The following HCN2 variants were observed in gnomAD, a reference collection of about 807,000 sequenced individuals.
The protein encoded by HCN2 is potassium/sodium hyperpolarization-activated cyclic nucleotide-gated channel 2.
In HCN2, 20 loss-of-function variants were observed where a neutral mutation model predicts 52.3. That is an observed-to-expected ratio of 0.38 (90% CI 0.27 to 0.56). HCN2 has a LOEUF of 0.56. Ranked by LOEUF, HCN2 falls within the 20% of genes least tolerant of loss-of-function variation. The pLI is 0.71. For synonymous variants in HCN2, 694 were observed against 537.0 expected (o/e 1.29, Z -4.04); for missense variants, 981 against 1,207.7 (o/e 0.81, Z 2.78).
intron 3 of HCN2, among the ~76,000 whole-genome samples, chr19:606,290 G>A (rs10419650): frequency 0.19 from 29,493 of 151,588 alleles, 3,632 homozygotes; most frequent in Admixed American, 0.32. Context: ...TAGTAGAGAC[G>A]GGGTCTCGCC....
chr19:599,524 A>C (rs1983134137), intron 1 of HCN2, among the ~76,000 whole-genome samples: 1 of 152,188 alleles, frequency 6.6e-6, no homozygotes, highest in South Asian at 2.1e-4. Context: ...TCACGCCTGT[A>C]ATCCCAGCAC....
At position 613,988 on chromosome 19, in the gene HCN2, G is replaced by T; in HGVS notation, c.1962G>T (p.Thr654=). ...EYPMMRRAFE[T]VAIDRLDRIG... is the part of the protein sequence containing the mutation. ...CCATGATGCGGCGCGCCTTCGAGAC[G>T]GTGGCCATCGACCGCCTGGACCGCA... Residue 654 remains threonine (T), a synonymous_variant, in exon 7 of 8, where the codon ACG becomes ACT. Transcript: ENST00000251287. The T allele has an allele frequency of 2.0e-6, 3 of 1,514,274 alleles. No homozygotes were observed. Among genetic ancestry groups the T allele is most frequent in the Non-Finnish European group, 1.8e-6 (2 of 1,131,894 alleles). The allele number at this position is 1,514,274 out of a possible 1,614,324, so 93.8% of individuals were successfully genotyped here. A position where few individuals can be genotyped will look rare whatever the true frequency, so the allele number is the denominator to read the frequency against.
intron 1 of HCN2, among the ~76,000 whole-genome samples, chr19:599,068 G>A (rs1333195691): frequency 6.6e-6 from 1 of 152,266 alleles, no homozygotes; most frequent in Non-Finnish European, 1.5e-5. Flanking sequence ...GTGCCAGCAG[G>A]CGGGTGCCAG....
rs971643647 is a variant in HCN2, at chr19:616,834, T to C, written c.*360T>C. Reference sequence around the variant, plus strand: ...CCCCGCCCGCCCCCCACCCTCTAGGTGGCCCCCGTCCGAGGAGGATCGTTT... The same window carrying C: ...CCCCGCCCGCCCCCCACCCTCTAGGCGGCCCCCGTCCGAGGAGGATCGTTT... On this transcript the variant is annotated 3_prime_UTR_variant, in exon 8 of 8. Coordinates refer to ENST00000251287, the MANE Select transcript of HCN2 (RefSeq NM_001194.4). The C allele has an allele frequency of 6.8e-6, 1 of 146,908 alleles. No individual in the cohort carries two copies. The highest frequency in any genetic ancestry group is 1.4e-5 in the Non-Finnish European group (1 of 71,728). 9.1% of individuals were successfully genotyped at this position (146,908 alleles called of 1,614,324 possible).
At chr19:602,862 G>A (rs963280962) in intron 1 of HCN2, among the ~76,000 whole-genome samples, 9 of 151,416 alleles carry the variant, frequency 5.9e-5, no homozygotes, top group Non-Finnish European at 8.8e-5. Flanking sequence ...CGCAGTGGGC[G>A]TTGGGCTCCC....
chr19:606,832 C>T (rs1983442551), intron 3 of HCN2, among the ~76,000 whole-genome samples: 1 of 145,324 alleles, frequency 6.9e-6, no homozygotes, highest in South Asian at 2.2e-4. Flanking sequence ...GCCTGGGCAA[C>T]AGAGCCAGAC....
At chr19:601,539 G>T (rs1035153131) in intron 1 of HCN2, among the ~76,000 whole-genome samples, 4 of 150,468 alleles carry the variant, frequency 2.7e-5, no homozygotes, top group Non-Finnish European at 5.9e-5. Flanking sequence ...GTCGTCGTCC[G>T]CAGTCGAGCT....
At chr19:612,017 C>A (rs1259228581) in intron 5 of HCN2, among the ~76,000 whole-genome samples, 1 of 152,040 alleles carries the variant, frequency 6.6e-6, no homozygotes, top group Admixed American at 6.6e-5. Flanking sequence ...TGGTGGTGGG[C>A]GCCTGTAATC....
At chr19:605,290 C>G in intron 3 of HCN2, 68 bp downstream of exon 3, 1 of 1,468,948 alleles carries the variant, frequency 6.8e-7, no homozygotes, top group Non-Finnish European at 9.3e-7. Context: ...CCCAGGCCCC[C>G]TTATCCCGCT....
At chr19:607,912 C>T (rs1983474671) in intron 3 of HCN2, 52 bp from the exon 4 acceptor site, 5 of 1,455,220 alleles carry the variant, frequency 3.4e-6, no homozygotes, top group African/African-American at 1.4e-5. Flanking sequence ...GGACCGAGGG[C>T]TCCTGGGGCG....
At chr19:609,071 G>A (rs941475703) in intron 4 of HCN2, among the ~76,000 whole-genome samples, 21 of 152,180 alleles carry the variant, frequency 1.4e-4, no homozygotes, top group Admixed American at 3.9e-4. Flanking sequence ...CCTCTCCCGC[G>A]CCCCGAGCAG....
In HCN2 at chr19:617,011, C is replaced by T; in HGVS notation, c.*537C>T. ...CACTGGCACCGAGAGGCAGGCCTGGCTGCGCAGGGCGCGGGGGGGAGGCTG... is the reference window on the plus strand; with the variant it reads ...CACTGGCACCGAGAGGCAGGCCTGGTTGCGCAGGGCGCGGGGGGGAGGCTG... On this transcript the variant is annotated 3_prime_UTR_variant, in exon 8 of 8. Transcript: ENST00000251287. 2.0e-6 allele frequency: 1 copy of T among 498,578 alleles called. No homozygotes were observed. The highest frequency in any genetic ancestry group is 3.7e-6 in the Non-Finnish European group (1 of 271,202). 30.9% of individuals were successfully genotyped at this position (498,578 alleles called of 1,614,324 possible).
intron 4 of HCN2, 139 bp downstream of exon 4, chr19:608,321 G>A (rs1983492221): frequency 1.3e-6 from 1 of 779,298 alleles, no homozygotes; most frequent in Non-Finnish European, 2.1e-6. Context: ...GCTGGAGGGA[G>A]GCCTTGCCCT....
At chr19:614,116 C>A in intron 7 of HCN2, 100 bp downstream of exon 7, 1 of 722,420 alleles carries the variant, frequency 1.4e-6, no homozygotes, top group Non-Finnish European at 1.9e-6. Context: ...GGGGGAAGGG[C>A]GTGGCTGTGG....
chr19:599,726 T>G (rs1424805965), intron 1 of HCN2, among the ~76,000 whole-genome samples: 1 of 151,932 alleles, frequency 6.6e-6, no homozygotes, highest in Non-Finnish European at 1.5e-5. Context: ...AGGCGGAGCT[T>G]GCAGTGAGCC....
intron 5 of HCN2, among the ~76,000 whole-genome samples, chr19:611,964 G>A (rs1983654959): frequency 6.6e-6 from 1 of 152,148 alleles, no homozygotes; most frequent in African/African-American, 2.4e-5. Context: ...TGGCCAACAT[G>A]GTGAAGCCCC....
chr19:599,594 AT>A (rs1983137397), intron 1 of HCN2, among the ~76,000 whole-genome samples: 2 of 151,532 alleles, frequency 1.3e-5, no homozygotes, highest in South Asian at 4.2e-4. Flanking sequence ...CCTGGCTAAC[AT>A]GGTGAAACCC....
At chr19:603,346 G>A (rs533881258) in intron 1 of HCN2, among the ~76,000 whole-genome samples, 198 bp from the exon 2 acceptor site, 1 of 150,658 alleles carries the variant, frequency 6.6e-6, no homozygotes. Context: ...AGGTGCCTGG[G>A]GGAAGGCACC....
rs1445857081 is a variant in HCN2, at chr19:616,322, C to T, written c.2518C>T (p.Pro840Ser). The T allele has an allele frequency of 8.5e-7, 1 of 1,170,608 alleles. No homozygotes were observed. Among genetic ancestry groups the T allele is most frequent in the South Asian group, 2.3e-5 (1 of 44,302 alleles). 72.5% of individuals were successfully genotyped at this position (1,170,608 alleles called of 1,614,324 possible). Residue 840 changes from proline (P) to serine (S), a missense_variant, in exon 8 of 8, where the codon CCG becomes TCG. Coordinates refer to ENST00000251287, the MANE Select transcript of HCN2 (RefSeq NM_001194.4). ...GAPGPAASTR[P>S]ASSSTPRLGP... is the part of the protein sequence containing the mutation. ...CCCCGGCCCCGCGGCCTCCACACGC[C>T]CGGCCAGCAGCTCCACACCGCGCTT...
Sources: gnomAD v4.1 joint callset for allele counts (sites outside exome capture counted in the v4.1 genomes callset) on GRCh38, gnomAD v4.1.1 for gene constraint, MANE v1.5 for transcripts, NCBI Gene and HGNC (gene_info 2026-07-23, HGNC 2026-07-21) for gene names.